FBLN5: variants seen among roughly 807,000 people sequenced by gnomAD.
FBLN5 encodes fibulin 5, also known as fibulin-5.
FBLN5 carries 24 observed loss-of-function variants against 61.6 expected under a neutral mutation model. That is an observed-to-expected ratio of 0.39 (90% CI 0.28 to 0.55). The LOEUF (loss-of-function observed/expected upper bound fraction) is 0.55. Ranked by LOEUF, FBLN5 falls within the 20% of genes least tolerant of loss-of-function variation. The pLI, the probability that FBLN5 is intolerant of heterozygous loss-of-function variation, is 0.65. For synonymous variants in FBLN5, 213 were observed against 219.8 expected, an observed-to-expected ratio of 0.97 and a Z score of 0.27; for missense variants, 470 against 594.1, an observed-to-expected ratio of 0.79 and a Z score of 2.17.
intron 4 of FBLN5, among the ~76,000 whole-genome samples, chr14:91,930,484 G>A (rs1056528509): frequency 2.6e-5 from 4 of 152,248 alleles, no homozygotes; most frequent in East Asian, 3.9e-4. Context: ...CTGGGCCTGC[G>A]TAGTCCCAAT....
Position 91,943,514 on chromosome 14 carries a change from C to A in FBLN5, c.18-553G>T, listed in dbSNP as rs1401912360. ...ACAGAGCGAGACCTTGTCCTCCCCC[C>A]ACCCCCCAAAAAAGCTAAAACCTCC... On this transcript the variant is annotated intron_variant, in intron 1 of 10. Transcript: ENST00000342058. This position sits in a 1 kb window ranked among gnomAD's most constrained non-coding sequence, Gnocchi z 4.0. Among the ~76,000 whole-genome samples, 4 of 151,932 alleles carry A rather than the reference C, an allele frequency of 2.6e-5. No individual in the cohort carries two copies. Among genetic ancestry groups the A allele is most frequent in the South Asian group, 4.2e-4 (2 of 4,814 alleles).
intron 4 of FBLN5, among the ~76,000 whole-genome samples, chr14:91,907,547 G>C (rs1566814227): frequency 6.6e-6 from 1 of 152,118 alleles, no homozygotes; most frequent in Non-Finnish European, 1.5e-5. Flanking sequence ...GAGAGCCGGG[G>C]GGAGCTTCAC....
chr14:91,945,139 A>C (rs915739915), intron 1 of FBLN5, among the ~76,000 whole-genome samples: 25 of 151,792 alleles, frequency 1.6e-4, no homozygotes, highest in African/African-American at 6.1e-4. Context: ...GCCAAGGCAG[A>C]CAAATCACTT....
chr14:91,919,257 G>T (rs944351530), intron 4 of FBLN5, among the ~76,000 whole-genome samples: 13 of 146,280 alleles, frequency 8.9e-5, no homozygotes, highest in Non-Finnish European at 2.0e-4. Context: ...TGTGAACTTG[G>T]GAGGTAGAGG....
At chr14:91,911,640 G>C (rs1450980614) in intron 4 of FBLN5, among the ~76,000 whole-genome samples, 1 of 152,332 alleles carries the variant, frequency 6.6e-6, no homozygotes, top group East Asian at 1.9e-4. Context: ...TTCTCAGCTC[G>C]TTTGAGAAAA....
intron 4 of FBLN5, among the ~76,000 whole-genome samples, chr14:91,902,660 A>G (rs562549611): frequency 2.6e-5 from 4 of 152,198 alleles, no homozygotes; most frequent in Non-Finnish European, 5.9e-5. Flanking sequence ...GGGTTCTACA[A>G]TCCTAACTAG....
chr14:91,897,851 C>G (rs1029640424), intron 4 of FBLN5, among the ~76,000 whole-genome samples: 1 of 152,142 alleles, frequency 6.6e-6, no homozygotes, highest in East Asian at 1.9e-4. Context: ...GAGTTTGAGA[C>G]CAGCCTGGGC....
chr14:91,872,133 C>T (rs1489642663), intron 10 of FBLN5, among the ~76,000 whole-genome samples: 1 of 152,118 alleles, frequency 6.6e-6, no homozygotes, highest in African/African-American at 2.4e-5. Context: ...TCATTACTTC[C>T]CCGTTTTATA....
At chr14:91,922,872 C>A (rs1203065739) in intron 4 of FBLN5, among the ~76,000 whole-genome samples, 4 of 152,162 alleles carry the variant, frequency 2.6e-5, no homozygotes, top group Non-Finnish European at 5.9e-5. Context: ...ACTGATGCCC[C>A]TTTTTCAGGG....
chr14:91,930,185 T>G (rs1451142146), intron 4 of FBLN5, among the ~76,000 whole-genome samples: 3 of 152,202 alleles, frequency 2.0e-5, no homozygotes, highest in African/African-American at 7.2e-5. Flanking sequence ...AGGAAGCCCC[T>G]ATGATAAGCC....
intron 9 of FBLN5, among the ~76,000 whole-genome samples, chr14:91,878,851 C>T (rs888651388): frequency 2.0e-5 from 3 of 152,184 alleles, no homozygotes; most frequent in African/African-American, 7.2e-5. Flanking sequence ...TGCCTATAAT[C>T]CCAGCACTTT....
At chr14:91,895,538 C>T (rs1890186488) in intron 4 of FBLN5, among the ~76,000 whole-genome samples, 1 of 152,032 alleles carries the variant, frequency 6.6e-6, no homozygotes, top group Non-Finnish European at 1.5e-5. Flanking sequence ...GTGGCTCACG[C>T]CTGTAATCCC....
intron 4 of FBLN5, among the ~76,000 whole-genome samples, chr14:91,921,897 C>T (rs557730048): frequency 1.7e-4 from 26 of 152,276 alleles, no homozygotes; most frequent in African/African-American, 5.3e-4. Flanking sequence ...CAGGGCACGT[C>T]GTGGGATGGC....
chr14:91,899,423 C>A (rs1408261906), intron 4 of FBLN5, among the ~76,000 whole-genome samples: 1 of 152,232 alleles, frequency 6.6e-6, no homozygotes, highest in African/African-American at 2.4e-5. Context: ...CTCACCAGCT[C>A]TCCCAGAACC....
chr14:91,912,472 C>A (rs143356131), intron 4 of FBLN5, among the ~76,000 whole-genome samples: 1 of 152,174 alleles, frequency 6.6e-6, no homozygotes, highest in Non-Finnish European at 1.5e-5. Context: ...TGGTGAAACC[C>A]TGTATCTACT....
At chr14:91,884,835 C>T (rs961082126) in intron 7 of FBLN5, among the ~76,000 whole-genome samples, 2 of 152,336 alleles carry the variant, frequency 1.3e-5, no homozygotes, top group East Asian at 3.9e-4. Context: ...AGACCCTACT[C>T]GGTTTATCTT....
At chr14:91,894,843 A>C in intron 5 of FBLN5, 107 bp downstream of exon 5, 1 of 701,190 alleles carries the variant, frequency 1.4e-6, no homozygotes, top group Non-Finnish European at 2.3e-6. Flanking sequence ...CTCCCTAGCA[A>C]AGAAAAGCTT....
intron 10 of FBLN5, among the ~76,000 whole-genome samples, chr14:91,876,014 T>C (rs537748732): frequency 1.3e-5 from 2 of 152,348 alleles, no homozygotes; most frequent in Non-Finnish European, 2.9e-5. Context: ...CTCCACTTCT[T>C]TGATAAAAAC....
At chr14:91,936,730 T>C (rs1320458803) in intron 4 of FBLN5, among the ~76,000 whole-genome samples, 1 of 152,250 alleles carries the variant, frequency 6.6e-6, no homozygotes, top group Non-Finnish European at 1.5e-5. Context: ...ATTGGTTTTC[T>C]GGAGAACTGT....
Sources: gnomAD v4.1 joint callset for allele counts (sites outside exome capture counted in the v4.1 genomes callset) on GRCh38, gnomAD v4.1.1 for gene constraint, Gnocchi (gnomAD v3.1) non-coding constraint, MANE v1.5 for transcripts, NCBI Gene and HGNC (gene_info 2026-07-23, HGNC 2026-07-21) for gene names.